The following PUS10 variants were observed in gnomAD, a reference collection of about 807,000 sequenced individuals.
The protein encoded by PUS10 is pseudouridine synthase 10.
In PUS10, 59 loss-of-function variants were observed where a neutral mutation model predicts 75.0. That is an observed-to-expected ratio of 0.79 (90% CI 0.64 to 0.98). The LOEUF (loss-of-function observed/expected upper bound fraction) is 0.98, where lower values mean the gene tolerates loss of function less well. PUS10 is among the 50% of genes least tolerant of loss of function. The probability of loss-of-function intolerance (pLI) is 0.00; values close to 1 mark genes in which losing one functional copy is unlikely to be tolerated. For missense variants in PUS10, 650 were observed against 614.4 expected, an observed-to-expected ratio of 1.06 and a Z score of -0.61; for synonymous variants, 219 against 211.6, an observed-to-expected ratio of 1.03 and a Z score of -0.30.
chr2:60,973,366 C>A (rs974680605), intron 4 of PUS10, among the ~76,000 whole-genome samples: 3 of 152,382 alleles, frequency 2.0e-5, no homozygotes, highest in East Asian at 3.9e-4. Context: ...GAAGGCCCCC[C>A]CGTTGTCCCC....
chr2:60,945,156 A>G (rs778478229), intron 16 of PUS10, 48 bp from the exon 17 acceptor site: 18 of 1,151,276 alleles, frequency 1.6e-5, no homozygotes, highest in Middle Eastern at 1.9e-4. Flanking sequence ...TGTACCAACT[A>G]TTTGGTAAGA....
At chr2:60,977,259 G>C (rs1290904507) in intron 4 of PUS10, among the ~76,000 whole-genome samples, 1 of 152,152 alleles carries the variant, frequency 6.6e-6, no homozygotes, top group African/African-American at 2.4e-5. Flanking sequence ...AGAAAGGATA[G>C]AGACAGAGAG....
chr2:60,952,346 A>G (rs2104224551), intron 15 of PUS10, among the ~76,000 whole-genome samples: 1 of 151,860 alleles, frequency 6.6e-6, no homozygotes, highest in South Asian at 2.1e-4. Flanking sequence ...AAAAAAAAAA[A>G]AAAAAAGAAA....
rs1573370968 is a variant in PUS10 at position 60,944,150 on chromosome 2, T to C, written c.1551+859A>G. 9.6e-6 allele frequency: 8 copies of C among 835,852 alleles called. No individual in the cohort carries two copies. The South Asian group carries it at 3.8e-4, about 40-fold the overall frequency. 51.8% of individuals were successfully genotyped at this position (835,852 alleles called of 1,614,324 possible). A position where few individuals can be genotyped will look rare whatever the true frequency, so the allele number is the denominator to read the frequency against. On this transcript the variant is annotated intron_variant, in intron 17 of 17. Coordinates refer to ENST00000316752, the MANE Select transcript of PUS10 (RefSeq NM_144709.4). ...CTCAAAAAAAAAAAAAGATGATGAGTAGAGATTTTCTTTAACAGAAGGTTT... is the reference window on the plus strand; with the variant it reads ...CTCAAAAAAAAAAAAAGATGATGAGCAGAGATTTTCTTTAACAGAAGGTTT...
chr2:61,015,372 C>T (rs1679898544), intron 1 of PUS10, among the ~76,000 whole-genome samples: 2 of 152,024 alleles, frequency 1.3e-5, no homozygotes, highest in South Asian at 2.1e-4. Flanking sequence ...TGGAGGTGTG[C>T]ACCTGTAATC....
At chr2:61,004,741 T>C (rs1679095683) in intron 4 of PUS10, among the ~76,000 whole-genome samples, 1 of 151,640 alleles carries the variant, frequency 6.6e-6, no homozygotes, top group Non-Finnish European at 1.5e-5. Context: ...GTATACTGCA[T>C]ATAAAACTGT....
chr2:60,962,642 A>C (rs1307237945), intron 9 of PUS10, among the ~76,000 whole-genome samples, 184 bp downstream of exon 9: 2 of 152,180 alleles, frequency 1.3e-5, no homozygotes, highest in Non-Finnish European at 2.9e-5. Context: ...TTAATTTGAC[A>C]AACATTTACT....
chr2:60,991,456 A>G (rs1200838643), intron 4 of PUS10, among the ~76,000 whole-genome samples: 1 of 152,122 alleles, frequency 6.6e-6, no homozygotes, highest in Non-Finnish European at 1.5e-5. Flanking sequence ...GAAAGATAAA[A>G]GTATTTATTT....
In PUS10 at chr2:60,965,425, G is replaced by A. The variant is rs1676281101; in HGVS notation, c.675C>T (p.Phe225=). The A allele has an allele frequency of 1.6e-5, 26 of 1,608,666 alleles. No homozygotes were observed. Among genetic ancestry groups the A allele is most frequent in the Non-Finnish European group, 2.1e-5 (25 of 1,176,986 alleles). Residue 225 remains phenylalanine (F), a splice_region_variant and synonymous_variant, in exon 7 of 18, where the codon TTC becomes TTT. Transcript: ENST00000316752. ...ACGTTGTTTACATGGCAACTTACAG[G>A]AAGTGGCAATCCTCAACTGTTTCTG... ...AHPETVEDCH[F]LAAICPDCFK... is the part of the protein sequence containing the mutation.
intron 6 of PUS10, chr2:60,965,687 C>A: frequency 2.4e-6 from 1 of 423,402 alleles, no homozygotes; most frequent in South Asian, 4.4e-5. Flanking sequence ...ACTTCTAAAA[C>A]TCAGTCATTA....
chr2:61,017,862 G>A, intron 1 of PUS10, 146 bp downstream of exon 1: 2 of 1,550,116 alleles, frequency 1.3e-6, no homozygotes, highest in Non-Finnish European at 1.7e-6. Context: ...GTGAGTGTGG[G>A]ATTCTTCAGG....
rs1674620672 is a variant in PUS10 at position 60,941,394 on chromosome 2, G to A, written c.*1001C>T. On this transcript the variant is annotated 3_prime_UTR_variant, in exon 18 of 18. Transcript: ENST00000316752. Reference sequence around the variant, plus strand: ...CACACAAACAGGTGCTCAGTAATAGGGCTTATTAGAAAGACCCTAGAAACC... The same window carrying A: ...CACACAAACAGGTGCTCAGTAATAGAGCTTATTAGAAAGACCCTAGAAACC... The A allele has an allele frequency of 6.6e-6, 1 of 152,058 alleles. No individual in the cohort carries two copies. Among genetic ancestry groups the A allele is most frequent in the African/African-American group, 2.4e-5 (1 of 41,364 alleles). The allele number at this position is 152,058 out of a possible 1,614,324, so 9.4% of individuals were successfully genotyped here. A position where few individuals can be genotyped will look rare whatever the true frequency, so the allele number is the denominator to read the frequency against.
rs761356820 is a variant in PUS10 at position 60,960,416 on chromosome 2, G to T, written c.976C>A (p.Leu326Met). 3 of 1,568,150 alleles carry T rather than the reference G, an allele frequency of 1.9e-6. No individual in the cohort carries two copies. The South Asian group carries it at 3.6e-5, about 19-fold the overall frequency. The change falls in exon 11 of 18, where the codon CTG becomes ATG. Residue 326 changes from leucine to methionine, a missense_variant. Leu to Met is a conservative substitution (Grantham distance 15, BLOSUM62 2). Transcript: ENST00000316752. The part of the protein sequence containing the change: ...SSVEELISDH[L>M]LAVFKAESFN... Reference sequence around the variant, plus strand: ...CTCTCTGCTTTAAATACTGCCAACAGATGATCTGAAATTAATTCTTCCACT... The same window carrying T: ...CTCTCTGCTTTAAATACTGCCAACATATGATCTGAAATTAATTCTTCCACT...
At position 61,017,835 on chromosome 2, in the gene PUS10, C is replaced by G. The variant is rs1176337745; in HGVS notation, c.-16+173G>C. The stretch of plus-strand genomic sequence containing the variant: ...TCCGGGAGCCGGACCGGGACCAGGA[C>G]CGGGCCCCACTTTCCAGTGAGTGTG... On this transcript the variant is annotated intron_variant, in intron 1 of 17. Transcript: ENST00000316752. The G allele has an allele frequency of 2.6e-6, 4 of 1,550,396 alleles. No homozygotes were observed. The South Asian group carries it at 4.8e-5, about 18-fold the overall frequency.
intron 4 of PUS10, among the ~76,000 whole-genome samples, chr2:61,006,217 T>G (rs547683095): frequency 6.6e-6 from 1 of 152,306 alleles, no homozygotes; most frequent in African/African-American, 2.4e-5. Flanking sequence ...AATGCACATA[T>G]CCACCTCAAA....
chr2:60,965,574 T>C (rs1023590915), intron 6 of PUS10, 90 bp from the exon 7 acceptor site: 12 of 964,952 alleles, frequency 1.2e-5, no homozygotes, highest in Admixed American at 7.6e-5. Flanking sequence ...TTCTCAAAGA[T>C]TGGCTCAGAA....
intron 4 of PUS10, among the ~76,000 whole-genome samples, chr2:60,995,539 C>T (rs1382191615): frequency 6.6e-6 from 1 of 152,110 alleles, no homozygotes. Flanking sequence ...AAAACCTAGA[C>T]CTGAAATAGG....
At chr2:60,972,051 T>G (rs201491775) in intron 4 of PUS10, among the ~76,000 whole-genome samples, 1 of 149,786 alleles carries the variant, frequency 6.7e-6, no homozygotes, top group African/African-American at 2.4e-5. Flanking sequence ...GTGTTTTTAG[T>G]AGAGACGGGT....
At chr2:60,959,883 T>C (rs550305661) in intron 11 of PUS10, among the ~76,000 whole-genome samples, 1 of 151,856 alleles carries the variant, frequency 6.6e-6, no homozygotes, top group Non-Finnish European at 1.5e-5. Flanking sequence ...TGAATGTCAG[T>C]GTATTAAATA....
Sources: gnomAD v4.1 joint callset for allele counts (sites outside exome capture counted in the v4.1 genomes callset) on GRCh38, gnomAD v4.1.1 for gene constraint, MANE v1.5 for transcripts, NCBI Gene and HGNC (gene_info 2026-07-23, HGNC 2026-07-21) for gene names.